The following ENTPD4 variants were observed in gnomAD, a reference collection of about 807,000 sequenced individuals.
ENTPD4 encodes the protein ectonucleoside triphosphate diphosphohydrolase 4.
ENTPD4 carries 60 observed loss-of-function variants against 79.1 expected under a neutral mutation model. The observed-to-expected ratio is 0.76, with a 90% CI of 0.62 to 0.94. The LOEUF is 0.94. ENTPD4 is among the 40% of genes least tolerant of loss of function. The pLI is 0.00. For missense variants in ENTPD4, 772 were observed against 775.1 expected (o/e 1.00, Z 0.05); for synonymous variants, 276 against 292.0 (o/e 0.95, Z 0.56).
At chr8:23,433,222 G>A (rs753952215) in intron 12 of ENTPD4, 68 bp from the exon 13 acceptor site, 293 of 1,362,544 alleles carry the variant, frequency 2.2e-4, no homozygotes, top group Admixed American at 6.6e-4. Flanking sequence ...GGGTGCACAG[G>A]GGGACGGCGG....
At position 23,431,776 on chromosome 8, in the gene ENTPD4, G is replaced by A. The variant is rs1286685927; in HGVS notation, c.*1150C>T. The A allele has an allele frequency of 8.1e-6, 8 of 985,266 alleles. No individual in the cohort carries two copies. Among genetic ancestry groups the A allele is most frequent in the Non-Finnish European group, 9.6e-6 (8 of 829,930 alleles). The allele number at this position is 985,266 out of a possible 1,614,324, so 61.0% of individuals were successfully genotyped here. On this transcript the variant is annotated 3_prime_UTR_variant, in exon 13 of 13. Transcript: ENST00000358689. Reference sequence around the variant, plus strand: ...CACTGAGGAATACTGAGCAAGAAGTGGGCATGTGCTCTAGTTCCAATAAAA... The same window carrying A: ...CACTGAGGAATACTGAGCAAGAAGTAGGCATGTGCTCTAGTTCCAATAAAA...
intron 2 of ENTPD4, among the ~76,000 whole-genome samples, chr8:23,449,525 A>G (rs1800822587): frequency 6.6e-6 from 1 of 152,188 alleles, no homozygotes; most frequent in Non-Finnish European, 1.5e-5. Flanking sequence ...AAGTCAATAA[A>G]TGAGTTTTCT....
At chr8:23,449,065 T>A in intron 2 of ENTPD4, 126 bp from the exon 3 acceptor site, 2 of 692,728 alleles carry the variant, frequency 2.9e-6, no homozygotes, top group Non-Finnish European at 4.9e-6. Context: ...GGTATCTGTA[T>A]ACTGGCATCT....
At position 23,439,806 on chromosome 8, in the gene ENTPD4, T is replaced by C. The variant is rs760898786; in HGVS notation, c.992A>G (p.Asn331Ser). Residue 331 changes from asparagine to serine, a missense_variant, in exon 9 of 13, where the codon AAT becomes AGT. Asn to Ser is a conservative substitution (Grantham distance 46, BLOSUM62 1). Transcript: ENST00000358689. ...GTCTTCGTATCTCTGTCGAGCAGCA[T>C]TGCCACCAAACCCAAGAAACGTGGC... ...YVATFLGFGG[N>S]AARQRYEDRI... The C allele has an allele frequency of 1.9e-6, 3 of 1,614,192 alleles. No homozygotes were observed. The highest frequency in any genetic ancestry group is 2.2e-5 in the East Asian group (1 of 44,888).
At chr8:23,438,634 T>A (rs1319052034) in intron 9 of ENTPD4, among the ~76,000 whole-genome samples, 1 of 152,214 alleles carries the variant, frequency 6.6e-6, no homozygotes, top group Non-Finnish European at 1.5e-5. Flanking sequence ...GAGTAAAAAT[T>A]AAGGTTTCGG....
chr8:23,431,865 A>T lies in ENTPD4; in HGVS notation c.*1061T>A. Reference sequence around the variant, plus strand: ...AACCACAGTGTTCTAATGCCACTGAAATATGGAATAAGGAGCGTAATTACC... The same window carrying T: ...AACCACAGTGTTCTAATGCCACTGATATATGGAATAAGGAGCGTAATTACC... On this transcript the variant is annotated 3_prime_UTR_variant, in exon 13 of 13. Coordinates refer to ENST00000358689, the MANE Select transcript of ENTPD4 (RefSeq NM_004901.5). 1.0e-6 allele frequency: 1 copy of T among 985,466 alleles called. No individual in the cohort carries two copies. Among genetic ancestry groups the T allele is most frequent in the Non-Finnish European group, 1.2e-6 (1 of 829,922 alleles). The allele number at this position is 985,466 out of a possible 1,614,324, so 61.0% of individuals were successfully genotyped here.
chr8:23,447,782 C>T lies in ENTPD4; in HGVS notation c.310G>A (p.Val104Ile). 6.2e-7 allele frequency: 1 copy of T among 1,614,170 alleles called. No homozygotes were observed. Residue 104 changes from valine (V) to isoleucine (I), a missense_variant, in exon 4 of 13, where the codon GTT becomes ATT. Physicochemically the swap from Val to Ile is conservative, Grantham distance 29 (BLOSUM62 3). Transcript: ENST00000358689. ...DCGSSGSRVFVYCWPRHNGNP... is the reference protein window; with the variant it reads ...DCGSSGSRVFIYCWPRHNGNP... The stretch of plus-strand genomic sequence containing the variant: ...CCATTATGCCTTGGCCAGCAGTAAA[C>T]AAATACTCGAGACCCACTGCTACCA...
rs551595612 is a variant in ENTPD4 at position 23,456,116 on chromosome 8, C to G, written c.-98+1441G>C. On this transcript the variant is annotated intron_variant, in intron 1 of 12. Coordinates refer to ENST00000358689, the MANE Select transcript of ENTPD4 (RefSeq NM_004901.5). ...CCTTCTGGAAGGCCATGGATCAACA[C>G]CAAGTTTCCTGTGTGGCACCTGAAA... is the stretch of plus-strand genomic sequence containing the variant. Among the ~76,000 whole-genome samples the G allele has an allele frequency of 2.0e-5, 3 of 152,348 alleles. No homozygotes were observed. In the South Asian group the frequency reaches 6.2e-4, roughly 32 times the overall value.
At chr8:23,441,319 C>A (rs1339380498) in intron 8 of ENTPD4, 1 of 552,164 alleles carries the variant, frequency 1.8e-6, no homozygotes, top group African/African-American at 2.0e-5. Context: ...GAAACTCAAG[C>A]ATGCGACTGC....
At chr8:23,456,910 T>C (rs1173171261) in intron 1 of ENTPD4, among the ~76,000 whole-genome samples, 1 of 152,244 alleles carries the variant, frequency 6.6e-6, no homozygotes. Context: ...AGGATCTCTT[T>C]AGTTTCCTTC....
intron 1 of ENTPD4, among the ~76,000 whole-genome samples, chr8:23,454,017 A>G (rs965981731): frequency 1.3e-5 from 2 of 152,234 alleles, no homozygotes; most frequent in African/African-American, 4.8e-5. Flanking sequence ...ATAAAATGTT[A>G]GGAAAGAAAC....
chr8:23,451,659 C>T (rs547804716), intron 1 of ENTPD4, among the ~76,000 whole-genome samples: 12 of 152,344 alleles, frequency 7.9e-5, no homozygotes, highest in African/African-American at 2.9e-4. Flanking sequence ...CTGCTCTCTC[C>T]TCCTTTACAC....
rs758008263 is a variant in ENTPD4 at position 23,444,444 on chromosome 8, G to A, written c.563+12C>T. ...AACCCACCCTCACCCTTGCCCTTCTGTGGAGGATCACCTTTCGGGGAGGAT... is the reference window on the plus strand; with the variant it reads ...AACCCACCCTCACCCTTGCCCTTCTATGGAGGATCACCTTTCGGGGAGGAT... On this transcript the variant is annotated intron_variant, in intron 5 of 12. Transcript: ENST00000358689. 2 of 1,612,926 alleles carry A rather than the reference G, an allele frequency of 1.2e-6. No homozygotes were observed. The highest frequency in any genetic ancestry group is 8.5e-7 in the Non-Finnish European group (1 of 1,179,230).
Position 23,430,727 on chromosome 8 carries a change from C to T in ENTPD4, c.*2199G>A. The T allele has an allele frequency of 2.0e-6, 2 of 985,524 alleles. No individual in the cohort carries two copies. The highest frequency in any genetic ancestry group is 2.4e-6 in the Non-Finnish European group (2 of 830,012). 61.0% of individuals were successfully genotyped at this position (985,524 alleles called of 1,614,324 possible). A position where few individuals can be genotyped will look rare whatever the true frequency, so the allele number is the denominator to read the frequency against. On this transcript the variant is annotated 3_prime_UTR_variant, in exon 13 of 13. Coordinates refer to ENST00000358689, the MANE Select transcript of ENTPD4 (RefSeq NM_004901.5). ...GCCCAGAGCTGGAAGGCGGGGTCCC[C>T]TAACTCCCTGGGTGCCCACCTGCCC...
rs780174046 is a variant in ENTPD4 at position 23,442,064 on chromosome 8, C to A, written c.670G>T (p.Val224Leu). 1 of 1,611,786 alleles carries A rather than the reference C, an allele frequency of 6.2e-7. No individual in the cohort carries two copies. Among genetic ancestry groups the A allele is most frequent in the Non-Finnish European group, 8.5e-7 (1 of 1,178,078 alleles). ...AEVISGKQEG[V>L]YAWIGINFVL... ...AAATTAATGCCAATCCAAGCATACA[C>A]ACCTATAGACATTTTACAGGGTGAA... The change falls in exon 7 of 13, where the codon GTG becomes TTG. Residue 224 changes from valine to leucine, a missense_variant and splice_region_variant. Coordinates refer to ENST00000358689, the MANE Select transcript of ENTPD4 (RefSeq NM_004901.5).
In ENTPD4 at chr8:23,430,507, A is replaced by C. The variant is rs188759094; in HGVS notation, c.*2419T>G. 1.0e-6 allele frequency: 1 copy of C among 985,378 alleles called. No homozygotes were observed. Among genetic ancestry groups the C allele is most frequent in the Admixed American group, 6.1e-5 (1 of 16,294 alleles). 61.0% of individuals were successfully genotyped at this position (985,378 alleles called of 1,614,324 possible). A position where few individuals can be genotyped will look rare whatever the true frequency, so the allele number is the denominator to read the frequency against. On this transcript the variant is annotated 3_prime_UTR_variant, in exon 13 of 13. Transcript: ENST00000358689. ...CTGCATTGTTCTCACAAGGACCAGC[A>C]AACTTTTTCTGTAAATATTTTAGTA...
intron 9 of ENTPD4, among the ~76,000 whole-genome samples, chr8:23,438,673 A>T (rs1401298140): frequency 6.6e-6 from 1 of 152,230 alleles, no homozygotes; most frequent in Non-Finnish European, 1.5e-5. Context: ...GTTGTCTATA[A>T]AATATTTCTA....
rs1429675754 is a variant in ENTPD4, at chr8:23,436,990, C to T, written c.1318G>A (p.Asp440Asn). Reference sequence around the variant, plus strand: ...TAGTCTCCCCCCATTCGTAACACATCCTCGGTGCAGTAGTAGAATTCGGAG... The same window carrying T: ...TAGTCTCCCCCCATTCGTAACACATTCTCGGTGCAGTAGTAGAATTCGGAG... ...GFSEFYYCTE[D>N]VLRMGGDYNA... The change falls in exon 10 of 13, where the codon GAT (aspartate) becomes AAT (asparagine). Residue 440 changes from aspartate to asparagine, a missense_variant. Transcript: ENST00000358689. 1.2e-6 allele frequency: 2 copies of T among 1,613,246 alleles called. No homozygotes were observed. Among genetic ancestry groups the T allele is most frequent in the South Asian group, 1.1e-5 (1 of 90,964 alleles).
chr8:23,440,997 C>T (rs1490139878), intron 8 of ENTPD4, among the ~76,000 whole-genome samples: 1 of 152,210 alleles, frequency 6.6e-6, no homozygotes, highest in Non-Finnish European at 1.5e-5. Context: ...TACAGCTGAA[C>T]ACAAATGGAG....
Sources: allele counts gnomAD v4.1 joint callset (sites outside exome capture counted in the v4.1 genomes callset), GRCh38; gene constraint gnomAD v4.1.1; transcripts MANE v1.5; gene names NCBI Gene and HGNC (gene_info 2026-07-23, HGNC 2026-07-21).